Variants in GALNT17 observed in about 807,000 individuals in gnomAD.
GALNT17 encodes the protein UDP-GalNAc:polypeptide N-acetylgalactosaminyltransferase-like 3.
GALNT17 carries 29 observed loss-of-function variants against 63.7 expected under a neutral mutation model. That is an observed-to-expected ratio of 0.46 (90% CI 0.34 to 0.62). The LOEUF is 0.62. GALNT17 is among the 20% of genes least tolerant of loss of function. The pLI, the probability that GALNT17 is intolerant of heterozygous loss-of-function variation, is 0.01. For missense variants in GALNT17, 603 were observed against 799.6 expected, an observed-to-expected ratio of 0.75 and a Z score of 2.97; for synonymous variants, 305 against 318.3, an observed-to-expected ratio of 0.96 and a Z score of 0.45.
At chr7:71,536,764 A>G (rs1481485725) in intron 5 of GALNT17, among the ~76,000 whole-genome samples, 1 of 152,204 alleles carries the variant, frequency 6.6e-6, no homozygotes, top group African/African-American at 2.4e-5. Context: ...TCCTTGTAGA[A>G]TGGGAACGAC....
At position 71,421,119 on chromosome 7, in the gene GALNT17, G is replaced by A; in HGVS notation, c.962+14G>A. The A allele has an allele frequency of 6.2e-7, 1 of 1,613,714 alleles. No homozygotes were observed. Among genetic ancestry groups the A allele is most frequent in the Non-Finnish European group, 8.5e-7 (1 of 1,179,838 alleles). ...TCTCCCCATCAGGTCTGTGGCTGGT[G>A]AGCCCTGGCGGCCAACGAGCCCCCA... On this transcript the variant is annotated intron_variant, in intron 5 of 10. Transcript: ENST00000333538.
intron 1 of GALNT17, among the ~76,000 whole-genome samples, chr7:71,151,399 A>T (rs1037251430): frequency 6.6e-6 from 1 of 152,154 alleles, no homozygotes; most frequent in African/African-American, 2.4e-5. Flanking sequence ...AGGCGGGCAG[A>T]TCACGAGGTC....
chr7:71,697,630 G>A (rs1340334152), intron 9 of GALNT17, among the ~76,000 whole-genome samples: 1 of 152,134 alleles, frequency 6.6e-6, no homozygotes, highest in African/African-American at 2.4e-5. Flanking sequence ...TGGCAACAGT[G>A]AGCATCATCA....
chr7:71,390,213 G>A (rs1563057917), intron 3 of GALNT17, among the ~76,000 whole-genome samples: 4 of 152,064 alleles, frequency 2.6e-5, no homozygotes, highest in South Asian at 2.1e-4. Context: ...AAGCTGCTCC[G>A]TCGTCCGGAA....
intron 6 of GALNT17, among the ~76,000 whole-genome samples, chr7:71,617,627 TGTTTG>T (rs1790233028): frequency 6.7e-6 from 1 of 149,578 alleles, no homozygotes; most frequent in South Asian, 2.3e-4. Flanking sequence ...TTTGTTTGTT[TGTTTG>T]TTTGTTTGTT....
At chr7:71,344,940 AG>A (rs1057087820) in intron 2 of GALNT17, among the ~76,000 whole-genome samples, 2 of 152,126 alleles carry the variant, frequency 1.3e-5, no homozygotes, top group African/African-American at 4.8e-5. Context: ...AGAATGCTGT[AG>A]GGGTTCACGT....
At chr7:71,369,182 T>TA (rs1792570552) in intron 2 of GALNT17, among the ~76,000 whole-genome samples, 1 of 152,236 alleles carries the variant, frequency 6.6e-6, no homozygotes, top group African/African-American at 2.4e-5. Context: ...TTTTCTCTGT[T>TA]ACATTGATTA....
intron 5 of GALNT17, among the ~76,000 whole-genome samples, chr7:71,436,769 C>T (rs1472278907): frequency 6.6e-6 from 1 of 151,964 alleles, no homozygotes; most frequent in African/African-American, 2.4e-5. Flanking sequence ...TGTTTCCACA[C>T]TTTCGAGACC....
At chr7:71,653,456 A>T (rs1259132962) in intron 6 of GALNT17, among the ~76,000 whole-genome samples, 1 of 151,780 alleles carries the variant, frequency 6.6e-6, no homozygotes. Flanking sequence ...CCCAGGCTGC[A>T]GTGCAATGGT....
intron 6 of GALNT17, among the ~76,000 whole-genome samples, chr7:71,657,010 A>G (rs912078170): frequency 8.5e-5 from 13 of 152,194 alleles, no homozygotes; most frequent in African/African-American, 3.1e-4. Flanking sequence ...TAATGGCACA[A>G]TTGAAAACTC....
chr7:71,582,631 C>T (rs988660734), intron 6 of GALNT17, among the ~76,000 whole-genome samples: 4 of 152,044 alleles, frequency 2.6e-5, no homozygotes, highest in Admixed American at 2.6e-4. Flanking sequence ...GAATACTACT[C>T]GGCCATAAAA....
intron 1 of GALNT17, among the ~76,000 whole-genome samples, chr7:71,316,779 C>T (rs750564498): frequency 3.9e-5 from 6 of 152,132 alleles, no homozygotes; most frequent in African/African-American, 7.2e-5. Flanking sequence ...ATTGTTTCCA[C>T]GTCCATTCCC....
chr7:71,189,146 C>T lies in GALNT17; in HGVS notation c.238+56106C>T, dbSNP rs193115625. ...ATAATTGAATCATGGGGCAGTGTCC[C>T]CCATACTATCCTCGTGGTAGTGAAT... On this transcript the variant is annotated intron_variant, in intron 1 of 10. Transcript: ENST00000333538. 2.6e-3 allele frequency among the ~76,000 whole-genome samples: 395 copies of T among 152,154 alleles called. 3 individuals are homozygous for T. Among genetic ancestry groups the T allele is most frequent in the African/African-American group, 9.3e-3 (384 of 41,508 alleles).
At position 71,545,604 on chromosome 7, in the gene GALNT17, G is replaced by A. The variant is rs1408806811; in HGVS notation, c.963-25681G>A. Among the ~76,000 whole-genome samples the A allele has an allele frequency of 1.1e-4, 16 of 152,010 alleles. No individual in the cohort carries two copies. The East Asian group carries it at 3.2e-3, about 30-fold the overall frequency. On this transcript the variant is annotated intron_variant, in intron 5 of 10. Coordinates refer to ENST00000333538, the MANE Select transcript of GALNT17 (RefSeq NM_022479.3). ...TGGCTTCTAGCGATCCACCTGCTTT[G>A]GCCTCCCAAAGTGCTGGGATTATAG...
At chr7:71,215,365 G>C (rs1218210934) in intron 1 of GALNT17, among the ~76,000 whole-genome samples, 1 of 152,002 alleles carries the variant, frequency 6.6e-6, no homozygotes, top group Non-Finnish European at 1.5e-5. Context: ...TAAGTTTTTA[G>C]GCAGTGTTGT....
At chr7:71,468,163 G>C (rs543419275) in intron 5 of GALNT17, among the ~76,000 whole-genome samples, 1 of 151,996 alleles carries the variant, frequency 6.6e-6, no homozygotes, top group East Asian at 1.9e-4. Flanking sequence ...GTGTAGTTGG[G>C]ACTGCAGATG....
At position 71,443,388 on chromosome 7, in the gene GALNT17, C is replaced by T. The variant is rs115953108; in HGVS notation, c.962+22283C>T. 5.4e-3 allele frequency among the ~76,000 whole-genome samples: 816 copies of T among 152,226 alleles called. 7 individuals are homozygous for T. Among genetic ancestry groups the T allele is most frequent in the African/African-American group, 0.017 (721 of 41,528 alleles). On this transcript the variant is annotated intron_variant, in intron 5 of 10. Transcript: ENST00000333538. ...CCGAATCTCATGCTGAAATTTGATCCGCAGTGTTGGAGGTGGGCCTGGAGG... is the reference window on the plus strand; with the variant it reads ...CCGAATCTCATGCTGAAATTTGATCTGCAGTGTTGGAGGTGGGCCTGGAGG...
intron 1 of GALNT17, among the ~76,000 whole-genome samples, chr7:71,165,756 A>T (rs938912510): frequency 6.6e-6 from 1 of 152,170 alleles, no homozygotes; most frequent in Non-Finnish European, 1.5e-5. Context: ...CTTGACGTTA[A>T]TGTTGAAATT....
chr7:71,686,370 T>G (rs116004114), intron 9 of GALNT17, among the ~76,000 whole-genome samples: 2,806 of 151,838 alleles, frequency 0.018, 74 homozygotes, highest in African/African-American at 0.064. Flanking sequence ...TCTGCCCACA[T>G]ATACTTTTTA....
Sources: gnomAD v4.1 joint callset for allele counts (sites outside exome capture counted in the v4.1 genomes callset) on GRCh38, gnomAD v4.1.1 for gene constraint, MANE v1.5 for transcripts, NCBI Gene and HGNC (gene_info 2026-07-23, HGNC 2026-07-21) for gene names.